TTN: variants seen among roughly 807,000 people sequenced by gnomAD.
TTN encodes connectin.
In TTN, 1,525 loss-of-function variants were observed where a neutral mutation model predicts 3,223.0. The observed-to-expected ratio is 0.47, with a 90% confidence interval of 0.45 to 0.49. TTN has a LOEUF of 0.49. Among genes scored for constraint, TTN ranks in the 20% least tolerant of loss-of-function variants. The pLI, the probability that TTN is intolerant of heterozygous loss-of-function variation, is 0.00. For synonymous variants in TTN, 14,094 were observed against 15,161.0 expected, an observed-to-expected ratio of 0.93 and a Z score of 5.17; for missense variants, 40,786 against 43,424.0, an observed-to-expected ratio of 0.94 and a Z score of 5.40.
rs1207248463 is a variant in TTN at position 178,800,416 on chromosome 2, T to C, written c.562A>G (p.Thr188Ala). The C allele has an allele frequency of 1.2e-6, 2 of 1,614,144 alleles. No homozygotes were observed. The highest frequency in any genetic ancestry group is 1.6e-4 in the Middle Eastern group (1 of 6,062). Residue 188 changes from threonine (T) to alanine (A), a missense_variant, in exon 4 of 363, where the codon ACT becomes GCT. Transcript: ENST00000589042. Reference sequence around the variant, plus strand: ...GTACCTTGAACCAGTAATTCAGCAGTCGAAGTAGCTCTTCCAACGCTATTG... The same window carrying C: ...GTACCTTGAACCAGTAATTCAGCAGCCGAAGTAGCTCTTCCAACGCTATTG... Reference protein sequence around the residue: ...ATNSVGRATSTAELLVQGEEE... With the variant: ...ATNSVGRATSAAELLVQGEEE...
At chr2:178,558,309 C>T in intron 327 of TTN, 32 bp downstream of exon 327, 1 of 1,593,062 alleles carries the variant, frequency 6.3e-7, no homozygotes, top group Non-Finnish European at 8.5e-7. Context: ...CAAATAATTT[C>T]AAATTTTGCT....
Position 178,724,088 on chromosome 2 carries a change from T to A in TTN, c.21171A>T (p.Leu7057Phe). Residue 7057 changes from leucine to phenylalanine, a missense_variant, in exon 73 of 363, where the codon TTA (leucine) becomes TTT (phenylalanine). Coordinates refer to ENST00000589042, the MANE Select transcript of TTN (RefSeq NM_001267550.2). ...TRRLKNTGGVLGASCILECKV... is the reference protein window; with the variant it reads ...TRRLKNTGGVFGASCILECKV... ...TGCATTCCAAGATGCAAGAAGCACC[T>A]AACACCCCACCAGTATTTTTCAGTC... 1 of 1,613,374 alleles carries A rather than the reference T, an allele frequency of 6.2e-7. No homozygotes were observed. Among genetic ancestry groups the A allele is most frequent in the Non-Finnish European group, 8.5e-7 (1 of 1,179,564 alleles).
At chr2:178,705,069 T>C in intron 103 of TTN, 103 bp from the exon 104 acceptor site, 1 of 1,572,528 alleles carries the variant, frequency 6.4e-7, no homozygotes, top group Non-Finnish European at 8.7e-7. Context: ...TTAGGTCATA[T>C]TAAATGACGT....
In TTN at chr2:178,665,741, C is replaced by A. The variant is rs2065819539; in HGVS notation, c.35926G>T (p.Ala11976Ser). The A allele has an allele frequency of 1.5e-6, 2 of 1,336,002 alleles. No individual in the cohort carries two copies. The highest frequency in any genetic ancestry group is 5.0e-5 in the South Asian group (2 of 40,086). 82.8% of individuals were successfully genotyped at this position (1,336,002 alleles called of 1,614,324 possible). Residue 11976 changes from alanine (A) to serine (S), a missense_variant, in exon 164 of 363, where the codon GCT becomes TCT. Ala to Ser is a moderately conservative substitution (Grantham distance 99). Transcript: ENST00000589042. ...IVPVKETPMA[A>S]PLEIEIPPTK... ...GGAGGTATTTCAATTTCAAGGGGAG[C>A]AGCCATGGGTGTTTCCTTTACAGGG... is the stretch of plus-strand genomic sequence containing the variant.
rs765275978 is a variant in TTN, at chr2:178,730,615, G to A, written c.17918C>T (p.Thr5973Ile). The change falls in exon 61 of 363, where the codon ACT becomes ATT. Residue 5973 changes from threonine to isoleucine, a missense_variant. Thr to Ile is a moderately conservative substitution (Grantham distance 89). Transcript: ENST00000589042. The part of the protein sequence containing the change: ...EKYKFSFHDN[T>I]AFLEISQLEG... ...CAGCTGGCTGATTTCCAAGAAGGCAGTATTGTCATGAAAAGAGAATTTGTA... is the reference window on the plus strand; with the variant it reads ...CAGCTGGCTGATTTCCAAGAAGGCAATATTGTCATGAAAAGAGAATTTGTA... 6.2e-7 allele frequency: 1 copy of A among 1,613,534 alleles called. No homozygotes were observed. Among genetic ancestry groups the A allele is most frequent in the Non-Finnish European group, 8.5e-7 (1 of 1,179,694 alleles).
In TTN at chr2:178,549,646, G is replaced by A. The variant is rs2154148382; in HGVS notation, c.92076C>T (p.Phe30692=). 2 of 1,613,818 alleles carry A rather than the reference G, an allele frequency of 1.2e-6. No homozygotes were observed. Among genetic ancestry groups the A allele is most frequent in the African/African-American group, 1.3e-5 (1 of 75,044 alleles). The part of the protein sequence containing the change: ...IKLINGNEYQ[F]RVSAVNKFGV... ...CAAACTTGTTAACTGCAGAAACACG[G>A]AATTGGTATTCATTGCCGTTTATTA... Residue 30692 remains phenylalanine, a synonymous_variant, in exon 338 of 363, where the codon TTC becomes TTT. Transcript: ENST00000589042.
Position 178,773,814 on chromosome 2 carries a change from T to C in TTN, c.7330+24A>G, listed in dbSNP as rs745807646. On this transcript the variant is annotated intron_variant, in intron 31 of 362. Coordinates refer to ENST00000589042, the MANE Select transcript of TTN (RefSeq NM_001267550.2). ...TTTATGTTGCTTAATAGTGTAAACA[T>C]AAAATTTTATAATTAGGACTCACTA... is the stretch of plus-strand genomic sequence containing the variant. The C allele has an allele frequency of 1.2e-4, 196 of 1,613,898 alleles. 1 individual carries two copies. Among genetic ancestry groups the C allele is most frequent in the Non-Finnish European group, 1.6e-4 (187 of 1,179,962 alleles).
In TTN at chr2:178,673,700, C is replaced by A. The variant is rs2067431814; in HGVS notation, c.34719G>T (p.Val11573=). The A allele has an allele frequency of 1.3e-6, 2 of 1,585,220 alleles. No individual in the cohort carries two copies. Residue 11573 remains valine, a synonymous_variant, in exon 152 of 363, where the codon GTG becomes GTT. Transcript: ENST00000589042. The stretch of plus-strand genomic sequence containing the variant: ...GTGCTTCAGGTACTGCTTTCTTAAT[C>A]ACTTCAGGCACTTAAAAGAAATTTT... ...EEVAPPRVPE[V]IKKAVPEAPT...
Position 178,569,789 on chromosome 2 carries a change from CTCACA to C in TTN, c.76338_76342del (p.Asp25446GlufsTer4). 1 of 1,613,248 alleles carries C rather than the reference CTCACA, an allele frequency of 6.2e-7. No homozygotes were observed. The highest frequency in any genetic ancestry group is 8.5e-7 in the Non-Finnish European group (1 of 1,179,604). On this transcript the variant is annotated frameshift_variant, in exon 326 of 363. Transcript: ENST00000589042. LOFTEE classifies it high-confidence loss of function. ...AGTGCACATTGTCCATTCACCAACA[CTCACA>C]TCACATTTTTCAACAATGTATCCTT...
rs749333268 is a variant in TTN, at chr2:178,775,643, C to T, written c.6221G>A (p.Ser2074Asn). ...TTCGAAGATTTTTGGAGCCTCCATA[C>T]TAGGACTTAGTTCAATCTTGTCAGG... ...FKPDKIELSPSMEAPKIFERI... is the reference protein window; with the variant it reads ...FKPDKIELSPNMEAPKIFERI... The change falls in exon 28 of 363, where the codon AGT (serine) becomes AAT (asparagine). Residue 2074 changes from serine to asparagine, a missense_variant. Transcript: ENST00000589042. The T allele has an allele frequency of 6.2e-7, 1 of 1,614,124 alleles. No homozygotes were observed. The highest frequency in any genetic ancestry group is 2.2e-5 in the East Asian group (1 of 44,862).
chr2:178,565,469 G>A lies in TTN; in HGVS notation c.80663C>T (p.Thr26888Ile). The change falls in exon 326 of 363, where the codon ACA (threonine) becomes ATA (isoleucine). Residue 26888 changes from threonine (T) to isoleucine (I), a missense_variant. Coordinates refer to ENST00000589042, the MANE Select transcript of TTN (RefSeq NM_001267550.2). ...IQPSLKLPFNTYSIQAGEDLK... is the reference protein window; with the variant it reads ...IQPSLKLPFNIYSIQAGEDLK... ...ATCTTCTCCAGCTTGGATACTATAT[G>A]TGTTAAATGGTAACTTTAAACTAGG... 6.2e-7 allele frequency: 1 copy of A among 1,613,248 alleles called. No homozygotes were observed.
intron 52 of TTN, 26 bp downstream of exon 52, chr2:178,734,302 G>A: frequency 6.5e-7 from 1 of 1,534,168 alleles, no homozygotes; most frequent in South Asian, 1.3e-5. Context: ...ATTTATTAAA[G>A]AGACATTAGT....
chr2:178,790,893 G>C, intron 10 of TTN, 48 bp from the exon 11 acceptor site: 1 of 1,606,934 alleles, frequency 6.2e-7, no homozygotes, highest in Middle Eastern at 1.7e-4. Context: ...AGATACAAAA[G>C]CAATGGGAAG....
chr2:178,574,394 C>T lies in TTN; in HGVS notation c.71738G>A (p.Ser23913Asn), dbSNP rs1709335824. Reference protein sequence around the residue: ...AENMAGKSKPSKPSEPMLALD... With the variant: ...AENMAGKSKPNKPSEPMLALD... Reference sequence around the variant, plus strand: ...AGCCAACATAGGTTCTGATGGCTTGCTTGGCTTACTTTTGCCTGCCATGTT... The same window carrying T: ...AGCCAACATAGGTTCTGATGGCTTGTTTGGCTTACTTTTGCCTGCCATGTT... The change falls in exon 326 of 363, where the codon AGC becomes AAC. Residue 23913 changes from serine (S) to asparagine (N), a missense_variant. Coordinates refer to ENST00000589042, the MANE Select transcript of TTN (RefSeq NM_001267550.2). 1 of 1,613,512 alleles carries T rather than the reference C, an allele frequency of 6.2e-7. No homozygotes were observed. The highest frequency in any genetic ancestry group is 8.5e-7 in the Non-Finnish European group (1 of 1,179,628).
chr2:178,795,191 G>A lies in TTN; in HGVS notation c.976C>T (p.Leu326Phe), dbSNP rs1206712022. The change falls in exon 7 of 363, where the codon CTC becomes TTC. Residue 326 changes from leucine to phenylalanine, a missense_variant. Transcript: ENST00000589042. ...GTGGATGCCTGAGTCTTACGCATGA[G>A]CAATGGAGACCTAACAGACCTGATG... The part of the protein sequence containing the change: ...SPIRSVRSPL[L>F]MRKTQASTVA... 6.2e-7 allele frequency: 1 copy of A among 1,614,066 alleles called. No homozygotes were observed. Among genetic ancestry groups the A allele is most frequent in the African/African-American group, 1.3e-5 (1 of 74,922 alleles).
At position 178,718,104 on chromosome 2, in the gene TTN, T is replaced by A. The variant is rs763397399; in HGVS notation, c.24902A>T (p.His8301Leu). 6.2e-7 allele frequency: 1 copy of A among 1,612,852 alleles called. No homozygotes were observed. Reference protein sequence around the residue: ...PEIRISWYKEHTKLRSAPAYK... With the variant: ...PEIRISWYKELTKLRSAPAYK... ...TGCAGGAGCTGATCGTAGCTTTGTG[T>A]GTTCTTTATACCAAGAAATTCTAAT... The change falls in exon 86 of 363, where the codon CAC becomes CTC. Residue 8301 changes from histidine (H) to leucine (L), a missense_variant. Coordinates refer to ENST00000589042, the MANE Select transcript of TTN (RefSeq NM_001267550.2).
chr2:178,762,910 A>G (rs2089585366), intron 43 of TTN, among the ~76,000 whole-genome samples: 1 of 152,240 alleles, frequency 6.6e-6, no homozygotes, highest in South Asian at 2.1e-4. Flanking sequence ...TATGCTCATA[A>G]AATCAAATAG....
In TTN at chr2:178,618,260, C is replaced by T. The variant is rs190180127; in HGVS notation, c.47198G>A (p.Ser15733Asn). The part of the protein sequence containing the change: ...KGGVEYLFRV[S>N]ARNRVGTGEP... ...ACCAGTGCCAACTCTGTTTCTTGCA[C>T]TCACACGGAATAGGTACTCAACTCC... is the stretch of plus-strand genomic sequence containing the variant. Residue 15733 changes from serine to asparagine, a missense_variant, in exon 252 of 363, where the codon AGT becomes AAT. By Grantham distance (46) the Ser-to-Asn change is conservative. Coordinates refer to ENST00000589042, the MANE Select transcript of TTN (RefSeq NM_001267550.2). 7 of 1,612,826 alleles carry T rather than the reference C, an allele frequency of 4.3e-6. No homozygotes were observed. In the East Asian group the frequency reaches 1.6e-4, roughly 36 times the overall value.
chr2:178,561,436 T>G lies in TTN; in HGVS notation c.84696A>C (p.Glu28232Asp), dbSNP rs397517730. The change falls in exon 326 of 363, where the codon GAA becomes GAC. Residue 28232 changes from glutamate to aspartate, a missense_variant. Coordinates refer to ENST00000589042, the MANE Select transcript of TTN (RefSeq NM_001267550.2). ...GLMYEYRVYA[E>D]NIAGIGKCSK... ...TGCATTTACCAATTCCAGCAATATT[T>G]TCAGCATATACACGATACTCATACA... The G allele has an allele frequency of 1.1e-4, 185 of 1,613,830 alleles. 2 individuals are homozygous for G. The South Asian group carries it at 1.9e-3, about 16-fold the overall frequency.
Sources: gnomAD v4.1 joint callset for allele counts (sites outside exome capture counted in the v4.1 genomes callset) on GRCh38, gnomAD v4.1.1 for gene constraint, MANE v1.5 for transcripts, NCBI Gene and HGNC (gene_info 2026-07-23, HGNC 2026-07-21) for gene names.